The following ATP6V0D2 variants were observed in gnomAD, a reference collection of about 807,000 sequenced individuals.
The protein encoded by ATP6V0D2 is V-type proton ATPase subunit d 2.
ATP6V0D2 carries 40 observed loss-of-function variants against 40.0 expected under a neutral mutation model. The ratio of observed to expected loss-of-function variants is 1.00; its 90% CI spans 0.78 to 1.30. The LOEUF is 1.30. Among genes scored for constraint, ATP6V0D2 ranks in the 50% most tolerant of loss-of-function variants. ATP6V0D2 has a pLI of 0.00. For missense variants in ATP6V0D2, 470 were observed against 423.1 expected (o/e 1.11, Z -0.97); for synonymous variants, 179 against 156.3 (o/e 1.15, Z -1.08).
intron 2 of ATP6V0D2, among the ~76,000 whole-genome samples, chr8:86,121,902 A>G (rs941022728): frequency 6.6e-6 from 1 of 152,224 alleles, no homozygotes; most frequent in African/African-American, 2.4e-5. Flanking sequence ...AATCTTAAGC[A>G]TTGCACATTT....
chr8:86,128,852 T>G (rs1163395490), intron 2 of ATP6V0D2, among the ~76,000 whole-genome samples: 1 of 152,218 alleles, frequency 6.6e-6, no homozygotes, highest in Non-Finnish European at 1.5e-5. Context: ...ACTCAGCTTC[T>G]TGTCTTCACA....
chr8:86,107,330 A>C (rs901646997), intron 1 of ATP6V0D2, among the ~76,000 whole-genome samples: 2 of 152,160 alleles, frequency 1.3e-5, no homozygotes, highest in Admixed American at 6.5e-5. Context: ...AGGCTGCAAT[A>C]CTAGAATACT....
intron 1 of ATP6V0D2, among the ~76,000 whole-genome samples, chr8:86,100,099 G>A (rs985168259): frequency 6.6e-6 from 1 of 151,490 alleles, no homozygotes; most frequent in Non-Finnish European, 1.5e-5. Flanking sequence ...CAAAAGTCCT[G>A]GATTTGACTT....
At chr8:86,150,398 T>C in intron 6 of ATP6V0D2, 110 bp downstream of exon 6, 1 of 1,112,154 alleles carries the variant, frequency 9.0e-7, no homozygotes, top group East Asian at 2.4e-5. Flanking sequence ...TAATAATATT[T>C]GTAAGGTAGC....
At position 86,105,616 on chromosome 8, in the gene ATP6V0D2, C is replaced by CTTTTTTTTTTTTT. The variant is rs1401385712; in HGVS notation, c.130+6512_130+6513insTTTTTTTTTTTTT. 6.1e-4 allele frequency among the ~76,000 whole-genome samples: 80 copies of CTTTTTTTTTTTTT among 131,192 alleles called. 4 individuals are homozygous for CTTTTTTTTTTTTT. Among genetic ancestry groups the CTTTTTTTTTTTTT allele is most frequent in the Middle Eastern group, 8.8e-3 (2 of 226 alleles). 86.1% of individuals were successfully genotyped at this position (131,192 alleles called of 152,430 possible). On this transcript the variant is annotated intron_variant, in intron 1 of 7. Transcript: ENST00000285393. ...TGCCTAGCCTGTAAACTTCTTTTTT[C>CTTTTTTTTTTTTT]TTTTCTTTTTTTTTTTTTTTGAGAT...
At chr8:86,119,839 T>C (rs1052443052) in intron 2 of ATP6V0D2, among the ~76,000 whole-genome samples, 1 of 152,190 alleles carries the variant, frequency 6.6e-6, no homozygotes, top group Admixed American at 6.5e-5. Context: ...ATACATGCTT[T>C]GAATTAGTGC....
At chr8:86,131,219 G>A (rs1818821654) in intron 2 of ATP6V0D2, among the ~76,000 whole-genome samples, 1 of 151,958 alleles carries the variant, frequency 6.6e-6, no homozygotes, top group South Asian at 2.1e-4. Flanking sequence ...GGAGGTGGGG[G>A]GAACGAAGTC....
chr8:86,143,010 T>C, intron 5 of ATP6V0D2, 56 bp downstream of exon 5: 1 of 1,275,826 alleles, frequency 7.8e-7, no homozygotes, highest in South Asian at 1.3e-5. Flanking sequence ...CATATTTTTA[T>C]TGTTTTAACC....
chr8:86,136,271 A>T (rs1381187589), intron 2 of ATP6V0D2, among the ~76,000 whole-genome samples: 1 of 152,214 alleles, frequency 6.6e-6, no homozygotes, highest in African/African-American at 2.4e-5. Context: ...ACACATGCAC[A>T]CACTGTAGAG....
At chr8:86,104,405 C>T (rs987980663) in intron 1 of ATP6V0D2, among the ~76,000 whole-genome samples, 12 of 151,924 alleles carry the variant, frequency 7.9e-5, no homozygotes, top group African/African-American at 2.2e-4. Flanking sequence ...AAAGGAAAAA[C>T]GCATGAGGAA....
intron 5 of ATP6V0D2, among the ~76,000 whole-genome samples, chr8:86,145,374 G>GAAAAGAAAAGAAAAA (rs1554589941): frequency 1.3e-5 from 1 of 79,202 alleles, no homozygotes; most frequent in African/African-American, 4.9e-5. Context: ...AGGAAGGAAG[G>GAAAAGAAAAGAAAAA]AAAGAAAAGA....
chr8:86,129,806 A>G (rs77261248), intron 2 of ATP6V0D2, among the ~76,000 whole-genome samples: 1 of 134,612 alleles, frequency 7.4e-6, no homozygotes, highest in East Asian at 2.1e-4. Flanking sequence ...CTGTCTCAGG[A>G]AAAAAAAAAA....
chr8:86,119,187 G>C (rs930352242), intron 2 of ATP6V0D2, among the ~76,000 whole-genome samples: 1 of 150,862 alleles, frequency 6.6e-6, no homozygotes, highest in Non-Finnish European at 1.5e-5. Context: ...CAAAGGTTCC[G>C]CTCACTGATG....
At chr8:86,142,358 G>A (rs952377959) in intron 4 of ATP6V0D2, among the ~76,000 whole-genome samples, 2 of 152,184 alleles carry the variant, frequency 1.3e-5, no homozygotes, top group African/African-American at 4.8e-5. Context: ...TTCCTCAGAG[G>A]TGAAAACTGA....
In ATP6V0D2 at chr8:86,099,059, C is replaced by T. The variant is rs761742599; in HGVS notation, c.81C>T (p.Leu27=). 1.3e-5 allele frequency: 21 copies of T among 1,613,728 alleles called. No homozygotes were observed. The African/African-American group carries it at 1.9e-4, about 14-fold the overall frequency. Residue 27 remains leucine, a synonymous_variant, in exon 1 of 8, where the codon CTC becomes CTT. Transcript: ENST00000285393. ...EGLVRGCKAS[L]LTQQDYINLV... ...TGGTTCGAGGATGCAAGGCCAGCCT[C>T]CTGACCCAGCAAGACTATATCAACC...
chr8:86,123,692 A>G lies in ATP6V0D2; in HGVS notation c.302+9812A>G, dbSNP rs570476755. ...AGGAAAGAAAGGATTTGCAAGTAAGATAAGTGGATTTTATTTTTAGTTCTT... is the reference window on the plus strand; with the variant it reads ...AGGAAAGAAAGGATTTGCAAGTAAGGTAAGTGGATTTTATTTTTAGTTCTT... On this transcript the variant is annotated intron_variant, in intron 2 of 7. Coordinates refer to ENST00000285393, the MANE Select transcript of ATP6V0D2 (RefSeq NM_152565.1). Among the ~76,000 whole-genome samples, 24 of 152,346 alleles carry G rather than the reference A, an allele frequency of 1.6e-4. No homozygotes were observed. In the South Asian group the frequency reaches 4.8e-3, roughly 30 times the overall value.
chr8:86,145,471 T>C (rs1819057259), intron 5 of ATP6V0D2, among the ~76,000 whole-genome samples: 1 of 152,064 alleles, frequency 6.6e-6, no homozygotes, highest in Non-Finnish European at 1.5e-5. Context: ...AAAGCCTAAA[T>C]AGTTGTGAAG....
chr8:86,099,036 G>T lies in ATP6V0D2; in HGVS notation c.58G>T (p.Val20Phe), dbSNP rs1818357730. The change falls in exon 1 of 8, where the codon GTT (valine) becomes TTT (phenylalanine). Residue 20 changes from valine to phenylalanine, a missense_variant. Physicochemically the swap from Val to Phe is conservative, Grantham distance 50 (BLOSUM62 -1). Coordinates refer to ENST00000285393, the MANE Select transcript of ATP6V0D2 (RefSeq NM_152565.1). ...GGACCATGGCTACCTGGAGGGCCTG[G>T]TTCGAGGATGCAAGGCCAGCCTCCT... ...NVDHGYLEGL[V>F]RGCKASLLTQ... 1.9e-6 allele frequency: 3 copies of T among 1,613,808 alleles called. No individual in the cohort carries two copies. Among genetic ancestry groups the T allele is most frequent in the South Asian group, 1.1e-5 (1 of 91,074 alleles).
At chr8:86,143,905 C>A (rs1396183620) in intron 5 of ATP6V0D2, among the ~76,000 whole-genome samples, 1 of 152,038 alleles carries the variant, frequency 6.6e-6, no homozygotes, top group Non-Finnish European at 1.5e-5. Context: ...AGCTGGGAAC[C>A]CCCACAACTT....
Sources: gnomAD v4.1 joint callset for allele counts (sites outside exome capture counted in the v4.1 genomes callset) on GRCh38, gnomAD v4.1.1 for gene constraint, MANE v1.5 for transcripts, NCBI Gene and HGNC (gene_info 2026-07-23, HGNC 2026-07-21) for gene names.